CPA6: variants seen among roughly 807,000 people sequenced by gnomAD.
The protein encoded by CPA6 is carboxypeptidase A6, also known as carboxypeptidase B.
Under a neutral mutation model 63.3 loss-of-function variants are expected in CPA6, and 58 were observed. That is an observed-to-expected ratio of 0.92 (90% CI 0.74 to 1.14). The LOEUF (loss-of-function observed/expected upper bound fraction) is 1.14, where lower values mean the gene tolerates loss of function less well. CPA6 is among the 50% of genes most tolerant of loss of function. CPA6 has a pLI of 0.00. For synonymous variants in CPA6, 185 were observed against 179.0 expected (o/e 1.03, Z -0.27); for missense variants, 565 against 526.6 (o/e 1.07, Z -0.71).
rs750417027 is a variant in CPA6 at position 67,545,580 on chromosome 8, T to TTTTTTTTTTTG, written c.193-27534_193-27533insCAAAAAAAAAA. On this transcript the variant is annotated intron_variant, in intron 2 of 10. Coordinates refer to ENST00000297770, the MANE Select transcript of CPA6 (RefSeq NM_020361.5). ...TACTGTTACTTTTTTTTTTTTTTTT[T>TTTTTTTTTTTG]TTTTGAGATGGAGTTTTGCTCTTGT... 3.0e-3 allele frequency among the ~76,000 whole-genome samples: 373 copies of TTTTTTTTTTTG among 125,586 alleles called. 2 individuals carry two copies. The highest frequency in any genetic ancestry group is 4.8e-3 in the Non-Finnish European group (286 of 59,968). 82.4% of individuals were successfully genotyped at this position (125,586 alleles called of 152,430 possible). A position where few individuals can be genotyped will look rare whatever the true frequency, so the allele number is the denominator to read the frequency against.
chr8:67,697,179 C>G (rs1314287877), intron 1 of CPA6, among the ~76,000 whole-genome samples: 1 of 152,106 alleles, frequency 6.6e-6, no homozygotes, highest in Non-Finnish European at 1.5e-5. Context: ...TATGGGGGAC[C>G]CTGGGAACAC....
intron 6 of CPA6, among the ~76,000 whole-genome samples, chr8:67,493,094 A>C (rs1305380941): frequency 6.6e-6 from 1 of 152,224 alleles, no homozygotes; most frequent in Non-Finnish European, 1.5e-5. Flanking sequence ...TAGGTAATTA[A>C]GAACAAAGAC....
intron 8 of CPA6, among the ~76,000 whole-genome samples, chr8:67,440,933 T>C (rs972646223): frequency 6.6e-6 from 1 of 152,222 alleles, no homozygotes; most frequent in Non-Finnish European, 1.5e-5. Context: ...CTGTGTGTCC[T>C]CTCTTCTTAT....
intron 8 of CPA6, among the ~76,000 whole-genome samples, chr8:67,463,483 T>C (rs1207452440): frequency 6.8e-6 from 1 of 147,718 alleles, no homozygotes; most frequent in African/African-American, 2.5e-5. Flanking sequence ...AATAGATAAA[T>C]AAAAGAAGAA....
chr8:67,717,725 A>C (rs961960306), intron 1 of CPA6, among the ~76,000 whole-genome samples: 1 of 152,316 alleles, frequency 6.6e-6, no homozygotes, highest in Non-Finnish European at 1.5e-5. Flanking sequence ...GATAAAGTTA[A>C]GGATTTTGAA....
intron 2 of CPA6, among the ~76,000 whole-genome samples, chr8:67,523,807 G>A (rs911369454): frequency 6.6e-6 from 1 of 152,208 alleles, no homozygotes; most frequent in Admixed American, 6.5e-5. Context: ...GCTTCAGTGT[G>A]AGTCCTATAC....
In CPA6 at chr8:67,509,113, A is replaced by AG. The variant is rs531270413; in HGVS notation, c.534+403dup. 2.6e-3 allele frequency among the ~76,000 whole-genome samples: 399 copies of AG among 152,250 alleles called. 1 individual carries two copies. The highest frequency in any genetic ancestry group is 9.0e-3 in the African/African-American group (374 of 41,558). The stretch of plus-strand genomic sequence containing the variant: ...AGAACTCACTATCACAAGAACAGCA[A>AG]GGGGGAAATCTGCCTTCATGATTCA... On this transcript the variant is annotated intron_variant, in intron 5 of 10. Coordinates refer to ENST00000297770, the MANE Select transcript of CPA6 (RefSeq NM_020361.5).
At chr8:67,467,157 T>C (rs1279072405) in intron 8 of CPA6, among the ~76,000 whole-genome samples, 1 of 152,184 alleles carries the variant, frequency 6.6e-6, no homozygotes, top group African/African-American at 2.4e-5. Context: ...CTTTATAATG[T>C]ATTTTCAAAA....
chr8:67,466,084 GTTTTTT>G (rs561313512), intron 8 of CPA6, among the ~76,000 whole-genome samples: 3 of 96,102 alleles, frequency 3.1e-5, no homozygotes, highest in Admixed American at 2.1e-4. Context: ...TCTGAGGCTT[GTTTTTT>G]TTTTTTTTTT....
intron 2 of CPA6, among the ~76,000 whole-genome samples, chr8:67,542,714 T>C (rs191025046): frequency 8.5e-5 from 13 of 152,324 alleles, no homozygotes; most frequent in African/African-American, 2.6e-4. Flanking sequence ...TAATAGCAGC[T>C]GAACATAAGA....
chr8:67,461,050 T>TTTC (rs1810789920), intron 8 of CPA6, among the ~76,000 whole-genome samples: 1 of 78,576 alleles, frequency 1.3e-5, no homozygotes, highest in Non-Finnish European at 2.0e-5. Flanking sequence ...ATTCGATTTC[T>TTTC]TTTTTTTTTT....
intron 1 of CPA6, among the ~76,000 whole-genome samples, chr8:67,681,825 G>T (rs1816604725): frequency 6.6e-6 from 1 of 151,512 alleles, no homozygotes. Context: ...CTCAAAATCA[G>T]GTATCAACAA....
chr8:67,542,483 G>A (rs1274766410), intron 2 of CPA6, among the ~76,000 whole-genome samples: 1 of 152,186 alleles, frequency 6.6e-6, no homozygotes, highest in African/African-American at 2.4e-5. Context: ...TGCAGGGATT[G>A]GAACCGAGTC....
chr8:67,705,389 G>T (rs1299102606), intron 1 of CPA6, among the ~76,000 whole-genome samples: 1 of 152,088 alleles, frequency 6.6e-6, no homozygotes, highest in Non-Finnish European at 1.5e-5. Context: ...TTTCCCTTTG[G>T]GTTTAAGAGC....
chr8:67,706,657 C>T (rs1817141513), intron 1 of CPA6, among the ~76,000 whole-genome samples: 1 of 151,974 alleles, frequency 6.6e-6, no homozygotes, highest in Non-Finnish European at 1.5e-5. Flanking sequence ...ACTAAGTATA[C>T]CTAGTATTTA....
At chr8:67,571,487 A>C (rs1429302048) in intron 2 of CPA6, among the ~76,000 whole-genome samples, 5 of 152,238 alleles carry the variant, frequency 3.3e-5, no homozygotes, top group African/African-American at 1.2e-4. Flanking sequence ...AAGAAGATTG[A>C]AATCATATCA....
chr8:67,586,055 A>C (rs562802008), intron 2 of CPA6, among the ~76,000 whole-genome samples: 6 of 152,126 alleles, frequency 3.9e-5, no homozygotes, highest in Non-Finnish European at 5.9e-5. Context: ...GCTCCAAGGG[A>C]TCTGGATGAG....
chr8:67,669,052 C>T (rs562562981), intron 1 of CPA6, among the ~76,000 whole-genome samples: 9 of 152,236 alleles, frequency 5.9e-5, no homozygotes, highest in South Asian at 2.1e-4. Flanking sequence ...AAGAATCACT[C>T]GCGGGTCAAT....
At chr8:67,422,911 G>A (rs1467277458) in intron 10 of CPA6, among the ~76,000 whole-genome samples, 14 of 152,154 alleles carry the variant, frequency 9.2e-5, no homozygotes, top group Admixed American at 9.2e-4. Flanking sequence ...GTCTACGTGT[G>A]AATGCCTTAC....
Sources: gnomAD v4.1 joint callset for allele counts (sites outside exome capture counted in the v4.1 genomes callset) on GRCh38, gnomAD v4.1.1 for gene constraint, MANE v1.5 for transcripts, NCBI Gene and HGNC (gene_info 2026-07-23, HGNC 2026-07-21) for gene names.